FAM186A: variants seen among roughly 807,000 people sequenced by gnomAD.
FAM186A encodes the protein family with sequence similarity 186 member A.
In FAM186A, 163 loss-of-function variants were observed where a neutral mutation model predicts 216.8. That is an observed-to-expected ratio of 0.75 (90% confidence interval 0.66 to 0.86). The LOEUF (loss-of-function observed/expected upper bound fraction) is 0.86, where lower values mean the gene tolerates loss of function less well. Ranked by LOEUF, FAM186A falls within the 40% of genes least tolerant of loss-of-function variation. The pLI is 0.00. For synonymous variants in FAM186A, 805 were observed against 1,025.3 expected, an observed-to-expected ratio of 0.79 and a Z score of 4.10; for missense variants, 2,184 against 2,746.2, an observed-to-expected ratio of 0.80 and a Z score of 4.58.
At position 50,363,183 on chromosome 12, in the gene FAM186A, T is replaced by A; in HGVS notation, c.374A>T (p.Lys125Met). Reference sequence around the variant, plus strand: ...CCAGGCCAGAATGTTGGCAAGAGTCTTTTCTCTTATTTCAATAGTCTTAGC... The same window carrying A: ...CCAGGCCAGAATGTTGGCAAGAGTCATTTCTCTTATTTCAATAGTCTTAGC... ...TYAKTIEIRE[K>M]TLANILAWLE... The change falls in exon 2 of 8, where the codon AAG (lysine) becomes ATG (methionine). Residue 125 changes from lysine to methionine, a missense_variant. By Grantham distance (95) the Lys-to-Met change is moderately conservative (BLOSUM62 -1). Coordinates refer to ENST00000327337, the MANE Select transcript of FAM186A (RefSeq NM_001145475.3). 1 of 1,551,098 alleles carries A rather than the reference T, an allele frequency of 6.4e-7. No individual in the cohort carries two copies. The highest frequency in any genetic ancestry group is 8.7e-7 in the Non-Finnish European group (1 of 1,146,830).
chr12:50,346,251 A>AAGAAAGAAAGAAAGAAAGAAAGAT, intron 4 of FAM186A, among the ~76,000 whole-genome samples: 1 of 150,184 alleles, frequency 6.7e-6, no homozygotes, highest in African/African-American at 2.4e-5. Flanking sequence ...GAAAGAAAGA[A>AAGAAAGAAAGAAAGAAAGAAAGAT]AGAAAGAAAG....
At chr12:50,329,473 G>C (rs1942635038) in intron 7 of FAM186A, among the ~76,000 whole-genome samples, 1 of 152,054 alleles carries the variant, frequency 6.6e-6, no homozygotes, top group Non-Finnish European at 1.5e-5. Flanking sequence ...TCGTGCTCAT[G>C]ATATATGACT....
intron 1 of FAM186A, among the ~76,000 whole-genome samples, chr12:50,395,829 T>C (rs1174380131): frequency 6.6e-6 from 1 of 152,148 alleles, no homozygotes; most frequent in African/African-American, 2.4e-5. Flanking sequence ...TGGTGCAATC[T>C]TGGCTCACCA....
At chr12:50,370,367 A>T (rs1943132676) in intron 1 of FAM186A, among the ~76,000 whole-genome samples, 4 of 152,200 alleles carry the variant, frequency 2.6e-5, no homozygotes, top group Non-Finnish European at 1.5e-5. Flanking sequence ...GATCCAAAAA[A>T]GATATACAAA....
intron 1 of FAM186A, among the ~76,000 whole-genome samples, chr12:50,366,707 A>C (rs1943091970): frequency 1.1e-5 from 1 of 90,760 alleles, no homozygotes; most frequent in African/African-American, 3.4e-5. Context: ...CCCTTTCATT[A>C]TTAAAAAAAA....
intron 1 of FAM186A, among the ~76,000 whole-genome samples, chr12:50,376,746 CT>C (rs55712994): frequency 0.94 from 134,281 of 142,744 alleles, 63,558 homozygotes; most frequent in East Asian, 0.99. Flanking sequence ...CTCTCTCTCT[CT>C]TTTTTTTTTT....
At position 50,396,398 on chromosome 12, in the gene FAM186A, G is replaced by C; in HGVS notation, c.87C>G (p.Pro29=). 1.9e-6 allele frequency: 3 copies of C among 1,551,572 alleles called. No individual in the cohort carries two copies. The highest frequency in any genetic ancestry group is 2.6e-6 in the Non-Finnish European group (3 of 1,146,982). The stretch of plus-strand genomic sequence containing the variant: ...GCATCAAAGGACTAAGGATATTTTG[G>C]GGCTCTCTTCTCATGATGGTGGAAT... ...IKDSTIMRRE[P]QNILSPLMLP... The change falls in exon 1 of 8, where the codon CCC becomes CCG. Residue 29 remains proline, a synonymous_variant. Coordinates refer to ENST00000327337, the MANE Select transcript of FAM186A (RefSeq NM_001145475.3).
At chr12:50,359,156 T>C (rs1485118237) in intron 3 of FAM186A, among the ~76,000 whole-genome samples, 1 of 151,596 alleles carries the variant, frequency 6.6e-6, no homozygotes, top group Non-Finnish European at 1.5e-5. Context: ...CCCAGCACTT[T>C]GGGAGGCAGA....
In FAM186A at chr12:50,343,198, T is replaced by C. The variant is rs141990351; in HGVS notation, c.6503+7131A>G. 9.3e-4 allele frequency among the ~76,000 whole-genome samples: 141 copies of C among 151,830 alleles called. 1 individual carries two copies. Among genetic ancestry groups the C allele is most frequent in the African/African-American group, 3.2e-3 (131 of 41,396 alleles). On this transcript the variant is annotated intron_variant, in intron 4 of 7. Coordinates refer to ENST00000327337, the MANE Select transcript of FAM186A (RefSeq NM_001145475.3). ...CCACTGCACTCCAGCACAGGCAACA[T>C]AGCGAGACCCTATCTCAGGAAAAAA... is the stretch of plus-strand genomic sequence containing the variant.
intron 1 of FAM186A, among the ~76,000 whole-genome samples, chr12:50,368,467 A>G (rs1943111782): frequency 6.6e-6 from 1 of 152,006 alleles, no homozygotes; most frequent in African/African-American, 2.4e-5. Flanking sequence ...CAAGGAGGTA[A>G]AAGACTTGTT....
chr12:50,353,118 T>C lies in FAM186A; in HGVS notation c.3714A>G (p.Gln1238=), dbSNP rs751485892. ...GITLTLQQAQ[Q]LGIPLTPQQA... Reference sequence around the variant, plus strand: ...GCTGAGGGGTGAGAGGGATCCCCAATTGCTGGGCCTGCTGAAGGGTTAGAG... The same window carrying C: ...GCTGAGGGGTGAGAGGGATCCCCAACTGCTGGGCCTGCTGAAGGGTTAGAG... The change falls in exon 4 of 8, where the codon CAA becomes CAG. Residue 1238 remains glutamine (Q), a synonymous_variant. Coordinates refer to ENST00000327337, the MANE Select transcript of FAM186A (RefSeq NM_001145475.3). 30 of 1,499,108 alleles carry C rather than the reference T, an allele frequency of 2.0e-5. No individual in the cohort carries two copies. The highest frequency in any genetic ancestry group is 2.6e-5 in the Non-Finnish European group (29 of 1,121,364). The allele number at this position is 1,499,108 out of a possible 1,614,324, so 92.9% of individuals were successfully genotyped here.
chr12:50,333,078 A>C (rs1375544404), intron 5 of FAM186A, among the ~76,000 whole-genome samples: 1 of 152,156 alleles, frequency 6.6e-6, no homozygotes, highest in Non-Finnish European at 1.5e-5. Context: ...AGTTCTGAAA[A>C]TTTACAATAT....
rs71083561 is a variant in FAM186A, at chr12:50,394,732, C to CTTTTT, written c.192+1556_192+1560dup. Reference sequence around the variant, plus strand: ...TGAGCCACTGTGCCTGGCTAACACTCTTTTTTTTTTTTTTTTTTTTTTTTT... The same window carrying CTTTTT: ...TGAGCCACTGTGCCTGGCTAACACTCTTTTTTTTTTTTTTTTTTTTTTTTTTTTTT... On this transcript the variant is annotated intron_variant, in intron 1 of 7. Transcript: ENST00000327337. Among the ~76,000 whole-genome samples, 25 of 29,406 alleles carry CTTTTT rather than the reference C, an allele frequency of 8.5e-4. 1 individual carries two copies. In the South Asian group the frequency reaches 0.018, roughly 21 times the overall value. The allele number at this position is 29,406 out of a possible 152,430, so 19.3% of individuals were successfully genotyped here.
chr12:50,384,026 G>A (rs1405839300), intron 1 of FAM186A, among the ~76,000 whole-genome samples: 1 of 152,078 alleles, frequency 6.6e-6, no homozygotes, highest in Non-Finnish European at 1.5e-5. Context: ...GCTGAGGCAG[G>A]AGAATTGCTT....
chr12:50,360,243 C>CAA (rs59070341), intron 3 of FAM186A, among the ~76,000 whole-genome samples: 9 of 132,080 alleles, frequency 6.8e-5, no homozygotes, highest in Admixed American at 4.5e-4. Context: ...TACCCTGTCT[C>CAA]AAAAAAAAAA....
At chr12:50,386,467 A>G (rs1222993990) in intron 1 of FAM186A, among the ~76,000 whole-genome samples, 1 of 152,142 alleles carries the variant, frequency 6.6e-6, no homozygotes, top group Non-Finnish European at 1.5e-5. Context: ...TATGTGAGGA[A>G]ATGCATGCAT....
intron 3 of FAM186A, among the ~76,000 whole-genome samples, chr12:50,359,393 C>T (rs967196735): frequency 2.6e-5 from 4 of 151,496 alleles, no homozygotes; most frequent in East Asian, 1.9e-4. Flanking sequence ...AGTGAAACTC[C>T]GTCTCAAAAA....
intron 1 of FAM186A, among the ~76,000 whole-genome samples, chr12:50,388,093 G>A (rs928931171): frequency 7.9e-5 from 12 of 152,060 alleles, no homozygotes; most frequent in Admixed American, 1.3e-4. Context: ...TTAAACCATT[G>A]GCCGTAGATA....
At position 50,354,388 on chromosome 12, in the gene FAM186A, T is replaced by C. The variant is rs1208529130; in HGVS notation, c.2444A>G (p.His815Arg). 1.9e-6 allele frequency: 3 copies of C among 1,551,540 alleles called. No homozygotes were observed. The highest frequency in any genetic ancestry group is 1.2e-5 in the South Asian group (1 of 84,066). Residue 815 changes from histidine (H) to arginine (R), a missense_variant, in exon 4 of 8, where the codon CAC (histidine) becomes CGC (arginine). Physicochemically the swap from His to Arg is conservative, Grantham distance 29. Coordinates refer to ENST00000327337, the MANE Select transcript of FAM186A (RefSeq NM_001145475.3). ...CTGCCTTTGTTTTTCCTTCTCCTTG[T>C]GGTCTTTCTGTACTGTTGAGACTGT... The part of the protein sequence containing the change: ...IPTVSTVQKD[H>R]KEKEKQRQEQ...
Sources: allele counts gnomAD v4.1 joint callset (sites outside exome capture counted in the v4.1 genomes callset), GRCh38; gene constraint gnomAD v4.1.1; transcripts MANE v1.5; gene names NCBI Gene and HGNC (gene_info 2026-07-23, HGNC 2026-07-21).